TEX26: variants seen among roughly 807,000 people sequenced by gnomAD.
The protein encoded by TEX26 is testis-expressed protein 26.
A neutral mutation model predicts 35.3 loss-of-function variants in TEX26; 34 were observed. The observed-to-expected ratio is 0.96, with a 90% confidence interval of 0.73 to 1.28. The LOEUF is 1.28. Among genes scored for constraint, TEX26 ranks in the 50% most tolerant of loss-of-function variants. The pLI, the probability that TEX26 is intolerant of heterozygous loss-of-function variation, is 0.00. For missense variants in TEX26, 371 were observed against 330.1 expected, an observed-to-expected ratio of 1.12 and a Z score of -0.96; for synonymous variants, 136 against 111.8, an observed-to-expected ratio of 1.22 and a Z score of -1.36.
rs532624500 is a variant in TEX26 at position 30,932,707 on chromosome 13, T to C, written c.-9T>C. ...GAGCCAGGGCCCCGCGGCCGCCTCC[T>C]GGGGCAGAATGGAACAGCCTGGGCC... is the stretch of plus-strand genomic sequence containing the variant. On this transcript the variant is annotated 5_prime_UTR_variant, in exon 1 of 7. Coordinates refer to ENST00000380473, the MANE Select transcript of TEX26 (RefSeq NM_152325.3). 1 of 1,612,702 alleles carries C rather than the reference T, an allele frequency of 6.2e-7. No homozygotes were observed. Among genetic ancestry groups the C allele is most frequent in the Admixed American group, 1.7e-5 (1 of 59,942 alleles).
At chr13:30,973,072 C>G (rs1303142968) in intron 6 of TEX26, among the ~76,000 whole-genome samples, 1 of 152,216 alleles carries the variant, frequency 6.6e-6, no homozygotes, top group Non-Finnish European at 1.5e-5. Flanking sequence ...CACAAAAGGA[C>G]ATGTACAAGA....
chr13:30,963,236 A>G (rs1294852419), intron 4 of TEX26, among the ~76,000 whole-genome samples: 1 of 152,038 alleles, frequency 6.6e-6, no homozygotes, highest in Non-Finnish European at 1.5e-5. Flanking sequence ...TTTGGGCTAA[A>G]CCATTCCAGT....
chr13:30,947,938 G>C (rs1953774421), intron 2 of TEX26, among the ~76,000 whole-genome samples: 1 of 151,590 alleles, frequency 6.6e-6, no homozygotes, highest in South Asian at 2.1e-4. Context: ...CTCTTCCTGT[G>C]TCCATGTGTT....
intron 1 of TEX26, chr13:30,937,095 T>C: frequency 1.6e-6 from 1 of 627,600 alleles, no homozygotes; most frequent in Non-Finnish European, 2.0e-6. Flanking sequence ...GATTAGGGAG[T>C]GGAGGGTGTG....
At chr13:30,965,995 G>A (rs1954512282) in intron 4 of TEX26, among the ~76,000 whole-genome samples, 1 of 152,170 alleles carries the variant, frequency 6.6e-6, no homozygotes, top group African/African-American at 2.4e-5. Flanking sequence ...AGTGATCAGT[G>A]TCTTCTGTGC....
chr13:30,932,894 T>C (rs999991734), intron 1 of TEX26, 118 bp downstream of exon 1: 17 of 1,126,712 alleles, frequency 1.5e-5, no homozygotes, highest in Admixed American at 2.7e-5. Context: ...CTTAGGAGTA[T>C]GCTCAACTGA....
At chr13:30,961,219 C>A (rs1356358528) in intron 4 of TEX26, among the ~76,000 whole-genome samples, 2 of 152,160 alleles carry the variant, frequency 1.3e-5, no homozygotes, top group Non-Finnish European at 2.9e-5. Flanking sequence ...TGCCTGGTGT[C>A]CCTCAGTCCA....
At chr13:30,960,057 T>G (rs897809546) in intron 4 of TEX26, among the ~76,000 whole-genome samples, 1 of 152,168 alleles carries the variant, frequency 6.6e-6, no homozygotes, top group African/African-American at 2.4e-5. Context: ...CAAGCAAGTC[T>G]AATGAAGAAA....
At chr13:30,934,218 T>G (rs1953180649) in intron 1 of TEX26, among the ~76,000 whole-genome samples, 1 of 152,208 alleles carries the variant, frequency 6.6e-6, no homozygotes, top group African/African-American at 2.4e-5. Context: ...AAAGCTCTTT[T>G]TCCCCCAGGT....
intron 4 of TEX26, among the ~76,000 whole-genome samples, chr13:30,960,030 A>G (rs1193104286): frequency 6.6e-6 from 1 of 152,224 alleles, no homozygotes; most frequent in African/African-American, 2.4e-5. Context: ...CTAAAATTCT[A>G]TATCCAGCCA....
intron 3 of TEX26, among the ~76,000 whole-genome samples, chr13:30,954,277 TAC>T (rs56003143): frequency 0.018 from 2,540 of 137,884 alleles, 37 homozygotes; most frequent in African/African-American, 0.039. Context: ...TATAGACCTA[TAC>T]ACACACACAC....
chr13:30,971,583 C>T (rs140936130), intron 6 of TEX26, among the ~76,000 whole-genome samples: 7 of 152,294 alleles, frequency 4.6e-5, no homozygotes, highest in East Asian at 1.9e-4. Flanking sequence ...CAAAAACTAA[C>T]GCTGTGAAAG....
At chr13:30,956,166 TC>T in intron 3 of TEX26, among the ~76,000 whole-genome samples, 1 of 52,786 alleles carries the variant, frequency 1.9e-5, no homozygotes, top group Non-Finnish European at 3.4e-5. Flanking sequence ...CCCTCCCCCC[TC>T]CCCCCACCCC....
intron 6 of TEX26, 122 bp downstream of exon 6, chr13:30,969,168 A>G (rs1259285270): frequency 2.5e-6 from 2 of 791,796 alleles, no homozygotes; most frequent in Non-Finnish European, 3.7e-6. Flanking sequence ...CATTGCCTCA[A>G]AAAAAAAAAA....
chr13:30,953,465 G>A (rs140476988), intron 3 of TEX26, among the ~76,000 whole-genome samples: 3 of 152,250 alleles, frequency 2.0e-5, no homozygotes, highest in Non-Finnish European at 4.4e-5. Context: ...TCTCTTCCGC[G>A]GATAAACCAC....
chr13:30,960,751 G>A (rs1954309868), intron 4 of TEX26, among the ~76,000 whole-genome samples: 1 of 151,904 alleles, frequency 6.6e-6, no homozygotes, highest in Non-Finnish European at 1.5e-5. Flanking sequence ...TTCTTGCATT[G>A]TTTCCATTTT....
At chr13:30,956,491 A>G (rs1351389018) in intron 3 of TEX26, among the ~76,000 whole-genome samples, 1 of 152,106 alleles carries the variant, frequency 6.6e-6, no homozygotes, top group African/African-American at 2.4e-5. Context: ...CTCTGCATGT[A>G]AGGCAGAGTT....
chr13:30,940,487 C>T (rs1953450279), intron 2 of TEX26, among the ~76,000 whole-genome samples: 1 of 151,626 alleles, frequency 6.6e-6, no homozygotes, highest in Non-Finnish European at 1.5e-5. Flanking sequence ...GCGCCCGCCA[C>T]CACACCTGGC....
intron 2 of TEX26, among the ~76,000 whole-genome samples, chr13:30,941,584 C>T (rs1953513675): frequency 6.6e-6 from 1 of 152,046 alleles, no homozygotes; most frequent in African/African-American, 2.4e-5. Context: ...TTTTAGGGTA[C>T]CCGTAACTAA....
Sources: gnomAD v4.1 joint callset for allele counts (sites outside exome capture counted in the v4.1 genomes callset) on GRCh38, gnomAD v4.1.1 for gene constraint, MANE v1.5 for transcripts, NCBI Gene and HGNC (gene_info 2026-07-23, HGNC 2026-07-21) for gene names.